Variants in RTEL1 observed in about 807,000 individuals in gnomAD.
RTEL1 encodes the protein regulator of telomere length.
In RTEL1, 86 loss-of-function variants were observed where a neutral mutation model predicts 162.2. That is an observed-to-expected ratio of 0.53 (90% CI 0.45 to 0.63). The LOEUF (loss-of-function observed/expected upper bound fraction) is 0.63, where lower values mean the gene tolerates loss of function less well. RTEL1 is among the 30% of genes least tolerant of loss of function. The pLI, the probability that RTEL1 is intolerant of heterozygous loss-of-function variation, is 0.00. For missense variants in RTEL1, 1,941 were observed against 1,750.2 expected, an observed-to-expected ratio of 1.11 and a Z score of -1.95; for synonymous variants, 958 against 717.9, an observed-to-expected ratio of 1.33 and a Z score of -5.35.
rs939781348 is a variant in RTEL1 at position 63,694,471 on chromosome 20, C to A, written c.3092C>A (p.Pro1031His). 2 of 1,600,410 alleles carry A rather than the reference C, an allele frequency of 1.2e-6. No individual in the cohort carries two copies. Among genetic ancestry groups the A allele is most frequent in the Non-Finnish European group, 1.7e-6 (2 of 1,170,002 alleles). Residue 1031 changes from proline (P) to histidine (H), a missense_variant, in exon 31 of 35, where the codon CCC (proline) becomes CAC (histidine). Pro to His is a moderately conservative substitution (Grantham distance 77). Coordinates refer to ENST00000360203, the MANE Select transcript of RTEL1 (RefSeq NM_001283009.2). ...HLNQGRPHLS[P>H]RPPPTGDPGS... ...AACCAGGGCAGGCCCCACCTGTCGC[C>A]CAGGCCACCCCCAACAGGTAGCTGA...
At chr20:63,676,408 C>T (rs3787098) in intron 10 of RTEL1, among the ~76,000 whole-genome samples, 22,296 of 152,090 alleles carry the variant, frequency 0.15, 2,012 homozygotes, top group Admixed American at 0.23. Flanking sequence ...CACCGTTTGC[C>T]GGGCTCCAGA....
chr20:63,665,453 AG>A (rs1472237913), intron 6 of RTEL1, among the ~76,000 whole-genome samples: 1 of 152,178 alleles, frequency 6.6e-6, no homozygotes, highest in Non-Finnish European at 1.5e-5. Context: ...CCGCCAGTAC[AG>A]GCAGTGTCCT....
In RTEL1 at chr20:63,695,470, ATC is replaced by A; in HGVS notation, c.3644_3645del (p.Ser1215Ter). ...SSGPPHGPAA[S>X]EWGEPHGRDI... ...CAGGACCTCCCCACGGGCCTGCAGCATCTGAGTGGGGTGAGCCTCATGGGAGA... is the reference window on the plus strand; with the variant it reads ...CAGGACCTCCCCACGGGCCTGCAGCATGAGTGGGGTGAGCCTCATGGGAGA... On this transcript the variant is annotated frameshift_variant, in exon 34 of 35. Transcript: ENST00000360203. LOFTEE classifies it high-confidence loss of function. 6.2e-7 allele frequency: 1 copy of A among 1,602,856 alleles called. No individual in the cohort carries two copies. Among genetic ancestry groups the A allele is most frequent in the African/African-American group, 1.3e-5 (1 of 74,968 alleles).
At chr20:63,682,415 A>G (rs2090496075) in intron 14 of RTEL1, 1 of 985,356 alleles carries the variant, frequency 1.0e-6, no homozygotes, top group Non-Finnish European at 1.2e-6. Flanking sequence ...CCAGCCTCCC[A>G]CTTAAGGAGA....
chr20:63,693,875 C>G (rs900044280), intron 30 of RTEL1, among the ~76,000 whole-genome samples: 2 of 150,110 alleles, frequency 1.3e-5, no homozygotes, highest in African/African-American at 4.9e-5. Context: ...CCACACGTCC[C>G]CTGCCTCCCA....
Position 63,659,451 on chromosome 20 carries a change from C to T in RTEL1, c.49C>T (p.Pro17Ser), listed in dbSNP as rs1555899096. 1 of 1,614,154 alleles carries T rather than the reference C, an allele frequency of 6.2e-7. No individual in the cohort carries two copies. Among genetic ancestry groups the T allele is most frequent in the Non-Finnish European group, 8.5e-7 (1 of 1,179,988 alleles). The change falls in exon 2 of 35, where the codon CCC (proline) becomes TCC (serine). Residue 17 changes from proline (P) to serine (S), a missense_variant. Transcript: ENST00000360203. ...NGVTVDFPFQ[P>S]YKCQQEYMTK... Reference sequence around the variant, plus strand: ...TGTGACCGTAGACTTCCCTTTCCAGCCCTACAAATGCCAACAGGAGTACAT... The same window carrying T: ...TGTGACCGTAGACTTCCCTTTCCAGTCCTACAAATGCCAACAGGAGTACAT...
rs2090012912 is a variant in RTEL1, at chr20:63,661,175, C to T, written c.103-123C>T. On this transcript the variant is annotated intron_variant, in intron 2 of 34. Transcript: ENST00000360203. The surrounding 1 kb of genome is among the most constrained non-coding windows in gnomAD (Gnocchi z 5.1). Reference sequence around the variant, plus strand: ...CGCGGTCCCACAGGGCTCTCGCCACCTGGCAGTGGCCTCTGCATCTGCAAA... The same window carrying T: ...CGCGGTCCCACAGGGCTCTCGCCACTTGGCAGTGGCCTCTGCATCTGCAAA... 2 of 851,558 alleles carry T rather than the reference C, an allele frequency of 2.3e-6. No homozygotes were observed. Among genetic ancestry groups the T allele is most frequent in the Non-Finnish European group, 3.6e-6 (2 of 549,242 alleles). The allele number at this position is 851,558 out of a possible 1,614,324, so 52.8% of individuals were successfully genotyped here.
At chr20:63,687,909 A>C in intron 17 of RTEL1, 28 bp from the exon 18 acceptor site, 1 of 1,609,216 alleles carries the variant, frequency 6.2e-7, no homozygotes, top group Non-Finnish European at 8.5e-7. Context: ...GCACTTCCCC[A>C]CTGTCTGCTC....
rs369777001 is a variant in RTEL1, at chr20:63,691,775, G to A, written c.2590G>A (p.Glu864Lys). The part of the protein sequence containing the change: ...HSCSTLSLLS[E>K]KRPAEEPRGG... ...CTGCTCCACCCTGTCCCTCCTGTCT[G>A]AGAAGAGGCCGGCAGAAGAACCGCG... Residue 864 changes from glutamate to lysine, a missense_variant, in exon 28 of 35, where the codon GAG becomes AAG. Glu to Lys is a moderately conservative substitution (Grantham distance 56). Transcript: ENST00000360203. 3 of 1,612,526 alleles carry A rather than the reference G, an allele frequency of 1.9e-6. No individual in the cohort carries two copies. The highest frequency in any genetic ancestry group is 2.5e-6 in the Non-Finnish European group (3 of 1,179,844).
chr20:63,685,756 C>A (rs375052586), intron 15 of RTEL1, 35 bp from the exon 16 acceptor site: 4 of 1,603,148 alleles, frequency 2.5e-6, no homozygotes, highest in Admixed American at 1.7e-5. Context: ...AGGACATGGG[C>A]GGGGCCTCCA....
chr20:63,674,852 A>G (rs1468072792), intron 10 of RTEL1, among the ~76,000 whole-genome samples: 1 of 151,898 alleles, frequency 6.6e-6, no homozygotes, highest in Admixed American at 6.6e-5. Context: ...TAGTCACGGC[A>G]TACGTGGAAA....
Position 63,692,859 on chromosome 20 carries a change from G to T in RTEL1, c.2707G>T (p.Val903Leu), listed in dbSNP as rs143317975. 1 of 1,612,648 alleles carries T rather than the reference G, an allele frequency of 6.2e-7. No homozygotes were observed. Among genetic ancestry groups the T allele is most frequent in the Non-Finnish European group, 8.5e-7 (1 of 1,179,852 alleles). ...CAGGGCCAAGCTCTTCATGGTGGCC[G>T]TGAAGCAGGAGTTGAGCCAAGCCAA... is the stretch of plus-strand genomic sequence containing the variant. The part of the protein sequence containing the change: ...TDRAKLFMVA[V>L]KQELSQANFA... The change falls in exon 29 of 35, where the codon GTG becomes TTG. Residue 903 changes from valine to leucine, a missense_variant. Physicochemically the swap from Val to Leu is conservative, Grantham distance 32. Transcript: ENST00000360203.
intron 8 of RTEL1, among the ~76,000 whole-genome samples, chr20:63,671,648 A>AT (rs10717389): frequency 2.2e-3 from 312 of 140,644 alleles, no homozygotes; most frequent in African/African-American, 4.5e-3. Context: ...CGCCTGGCTA[A>AT]TTTTTTTTTT....
intron 14 of RTEL1, among the ~76,000 whole-genome samples, chr20:63,684,114 C>T (rs2090539240): frequency 1.3e-5 from 2 of 152,150 alleles, no homozygotes; most frequent in Non-Finnish European, 2.9e-5. Flanking sequence ...GTGTATTCTC[C>T]AAACTGCACT....
intron 8 of RTEL1, 44 bp from the exon 9 acceptor site, chr20:63,672,512 C>T: frequency 1.3e-6 from 2 of 1,487,360 alleles, no homozygotes; most frequent in Non-Finnish European, 1.8e-6. Flanking sequence ...TCTTTCCCGG[C>T]CTCTGTGAGC....
intron 30 of RTEL1, 68 bp from the exon 31 acceptor site, chr20:63,694,304 G>GCCCCCCCC: frequency 1.2e-6 from 1 of 812,998 alleles, no homozygotes; most frequent in Non-Finnish European, 2.1e-6. Flanking sequence ...AGCCAGCCCT[G>GCCCCCCCC]CCCCCCCACC....
At chr20:63,692,744 C>G in intron 28 of RTEL1, 61 bp from the exon 29 acceptor site, 1 of 1,506,604 alleles carries the variant, frequency 6.6e-7, no homozygotes, top group Non-Finnish European at 9.1e-7. Flanking sequence ...GAAGGCTCTG[C>G]AGCCCCAGGG....
At chr20:63,662,343 G>T in intron 4 of RTEL1, 1 of 984,858 alleles carries the variant, frequency 1.0e-6, no homozygotes, top group Non-Finnish European at 1.5e-6. Flanking sequence ...GCAGGGTGCT[G>T]TGGAAGCTGT....
chr20:63,682,844 C>T (rs909702285), intron 14 of RTEL1, among the ~76,000 whole-genome samples: 2 of 152,260 alleles, frequency 1.3e-5, no homozygotes, highest in African/African-American at 2.4e-5. Context: ...TGGAGGCAAA[C>T]TCTGGGCAGT....
Sources: gnomAD v4.1 joint callset for allele counts (sites outside exome capture counted in the v4.1 genomes callset) on GRCh38, gnomAD v4.1.1 for gene constraint, Gnocchi (gnomAD v3.1) non-coding constraint, MANE v1.5 for transcripts, NCBI Gene and HGNC (gene_info 2026-07-23, HGNC 2026-07-21) for gene names.